The following CHST11 variants were observed in gnomAD, a reference collection of about 807,000 sequenced individuals.
CHST11 encodes C4S-1.
A neutral mutation model predicts 30.4 loss-of-function variants in CHST11; 9 were observed. That is an observed-to-expected ratio of 0.30 (90% CI 0.18 to 0.52). The LOEUF is 0.52. Among genes scored for constraint, CHST11 ranks in the 20% least tolerant of loss-of-function variants. CHST11 has a pLI of 0.97. For synonymous variants in CHST11, 152 were observed against 187.8 expected, an observed-to-expected ratio of 0.81 and a Z score of 1.56; for missense variants, 348 against 460.6, an observed-to-expected ratio of 0.76 and a Z score of 2.24.
chr12:104,656,708 C>T (rs1343399593), intron 2 of CHST11, among the ~76,000 whole-genome samples: 1 of 152,212 alleles, frequency 6.6e-6, no homozygotes, highest in Non-Finnish European at 1.5e-5. Context: ...GCCAGTGAGA[C>T]ACAGATACAC....
At chr12:104,531,103 A>T (rs1018481072) in intron 1 of CHST11, among the ~76,000 whole-genome samples, 9 of 152,188 alleles carry the variant, frequency 5.9e-5, no homozygotes, top group Non-Finnish European at 1.3e-4. Flanking sequence ...AAAATACTGT[A>T]TCAGAAAGTG....
intron 2 of CHST11, among the ~76,000 whole-genome samples, chr12:104,663,732 G>A (rs938115685): frequency 2.0e-5 from 3 of 152,162 alleles, no homozygotes; most frequent in Non-Finnish European, 2.9e-5. Context: ...TGTTTGGGTC[G>A]CTTTAATGTC....
chr12:104,476,273 C>T (rs2135957614), intron 1 of CHST11, among the ~76,000 whole-genome samples: 1 of 148,816 alleles, frequency 6.7e-6, no homozygotes, highest in South Asian at 2.1e-4. Flanking sequence ...GTAATATGTA[C>T]ACATGTAGTA....
chr12:104,761,502 A>ACACACACACAC lies in CHST11; in HGVS notation c.*3699_*3700insCACACACACAC, dbSNP rs2040526125. On this transcript the variant is annotated 3_prime_UTR_variant, in exon 3 of 3. Transcript: ENST00000303694. ...ACACACACACACACACACACACACA[A>ACACACACACAC]TCTCAGCTGCGCCATTCTGTGCAAT... The ACACACACACAC allele has an allele frequency of 2.1e-5, 2 of 96,202 alleles. No individual in the cohort carries two copies. The highest frequency in any genetic ancestry group is 6.6e-5 in the African/African-American group (1 of 15,094). The allele number at this position is 96,202 out of a possible 1,614,324, so 6.0% of individuals were successfully genotyped here. A position where few individuals can be genotyped will look rare whatever the true frequency, so the allele number is the denominator to read the frequency against.
chr12:104,633,932 C>G (rs996455348), intron 2 of CHST11, among the ~76,000 whole-genome samples: 1 of 152,148 alleles, frequency 6.6e-6, no homozygotes, highest in Non-Finnish European at 1.5e-5. Context: ...CACATTCTTT[C>G]TAGGGGACCC....
Position 104,570,325 on chromosome 12 carries a change from C to G in CHST11, c.119-31581C>G, listed in dbSNP as rs546933731. Among the ~76,000 whole-genome samples, 4 of 152,286 alleles carry G rather than the reference C, an allele frequency of 2.6e-5. No homozygotes were observed. The South Asian group carries it at 8.3e-4, about 32-fold the overall frequency. ...ATTTTTAACATTTCGCAAGCCTCCC[C>G]CTCCCACTAGTAGGTGTGTGAGCAG... On this transcript the variant is annotated intron_variant, in intron 1 of 2. Transcript: ENST00000303694.
At chr12:104,598,770 C>T (rs1202769080) in intron 1 of CHST11, among the ~76,000 whole-genome samples, 2 of 152,218 alleles carry the variant, frequency 1.3e-5, no homozygotes, top group African/African-American at 2.4e-5. Context: ...CCTCCTGAGT[C>T]GTCTGGCTCC....
intron 1 of CHST11, among the ~76,000 whole-genome samples, chr12:104,595,142 G>A (rs952335152): frequency 5.9e-5 from 9 of 152,082 alleles, no homozygotes; most frequent in Non-Finnish European, 1.3e-4. Flanking sequence ...CCGAGACAAG[G>A]AGTTTGTCCT....
rs960710678 is a variant in CHST11 at position 104,612,884 on chromosome 12, G to A, written c.204+10893G>A. Reference sequence around the variant, plus strand: ...CAAGCAGCATCTGAAACAGACACCAGCACTCTCACTGTAGCAGAGTTGCAG... The same window carrying A: ...CAAGCAGCATCTGAAACAGACACCAACACTCTCACTGTAGCAGAGTTGCAG... On this transcript the variant is annotated intron_variant, in intron 2 of 2. Transcript: ENST00000303694. Among the ~76,000 whole-genome samples the A allele has an allele frequency of 2.0e-4, 31 of 152,192 alleles. 1 individual carries two copies. Among genetic ancestry groups the A allele is most frequent in the Admixed American group, 2.0e-3 (31 of 15,274 alleles).
intron 2 of CHST11, among the ~76,000 whole-genome samples, chr12:104,673,349 T>C (rs2136097138): frequency 6.6e-6 from 1 of 152,312 alleles, no homozygotes; most frequent in Admixed American, 6.5e-5. Flanking sequence ...GTTACATGGA[T>C]TAACACTGAC....
chr12:104,531,176 G>A (rs1024887548), intron 1 of CHST11, among the ~76,000 whole-genome samples: 1 of 152,018 alleles, frequency 6.6e-6, no homozygotes, highest in Non-Finnish European at 1.5e-5. Flanking sequence ...TTTCTACCAT[G>A]GTATTTGTCT....
intron 2 of CHST11, among the ~76,000 whole-genome samples, chr12:104,737,423 G>T (rs1456245228): frequency 6.6e-6 from 1 of 152,236 alleles, no homozygotes; most frequent in Non-Finnish European, 1.5e-5. Context: ...GTAAGTTGGG[G>T]ATATCACTTT....
chr12:104,568,602 C>T (rs758314319), intron 1 of CHST11, among the ~76,000 whole-genome samples: 5 of 152,110 alleles, frequency 3.3e-5, no homozygotes, highest in African/African-American at 1.2e-4. Flanking sequence ...TGGGACCTCC[C>T]CTAGAGATAC....
chr12:104,544,729 A>G (rs1442547372), intron 1 of CHST11, among the ~76,000 whole-genome samples: 2 of 95,922 alleles, frequency 2.1e-5, no homozygotes, highest in African/African-American at 6.7e-5. Flanking sequence ...AAAAGAAATC[A>G]GAAATTTGAG....
Position 104,758,127 on chromosome 12 carries a change from A to C in CHST11, c.*324A>C. On this transcript the variant is annotated 3_prime_UTR_variant, in exon 3 of 3. Coordinates refer to ENST00000303694, the MANE Select transcript of CHST11 (RefSeq NM_018413.6). ...ATAGTTATTTAAACATGGTCTCATT[A>C]TTTCTTTTTGTGGCAGCAAAATTCT... 5.4e-6 allele frequency: 1 copy of C among 186,516 alleles called. No individual in the cohort carries two copies. The highest frequency in any genetic ancestry group is 1.1e-5 in the Non-Finnish European group (1 of 90,078). 11.6% of individuals were successfully genotyped at this position (186,516 alleles called of 1,614,324 possible). A position where few individuals can be genotyped will look rare whatever the true frequency, so the allele number is the denominator to read the frequency against.
chr12:104,471,312 A>G (rs2037507115), intron 1 of CHST11, among the ~76,000 whole-genome samples: 1 of 152,240 alleles, frequency 6.6e-6, no homozygotes, highest in Admixed American at 6.5e-5. Flanking sequence ...ATTTGCTAAA[A>G]GAAGGAATAC....
chr12:104,599,579 C>A (rs2038939027), intron 1 of CHST11, among the ~76,000 whole-genome samples: 1 of 152,292 alleles, frequency 6.6e-6, no homozygotes, highest in Middle Eastern at 3.4e-3. Context: ...AAGAAAAACA[C>A]AACATAGAAT....
intron 1 of CHST11, among the ~76,000 whole-genome samples, chr12:104,517,369 T>C (rs1477589022): frequency 1.3e-5 from 2 of 152,210 alleles, no homozygotes; most frequent in Non-Finnish European, 1.5e-5. Flanking sequence ...AGCCTCATTT[T>C]ATGGTCATCA....
chr12:104,533,197 C>G (rs1358293022), intron 1 of CHST11, among the ~76,000 whole-genome samples: 1 of 152,242 alleles, frequency 6.6e-6, no homozygotes, highest in Non-Finnish European at 1.5e-5. Context: ...CTGTACTCAT[C>G]ACATCATGCT....
Sources: gnomAD v4.1 joint callset for allele counts (sites outside exome capture counted in the v4.1 genomes callset) on GRCh38, gnomAD v4.1.1 for gene constraint, MANE v1.5 for transcripts, NCBI Gene and HGNC (gene_info 2026-07-23, HGNC 2026-07-21) for gene names.